CLCA1: variants seen among roughly 807,000 people sequenced by gnomAD.
The protein encoded by CLCA1 is chloride channel accessory 1, also known as calcium-activated chloride channel regulator 1.
In CLCA1, 59 loss-of-function variants were observed where a neutral mutation model predicts 85.6. That is an observed-to-expected ratio of 0.69 (90% CI 0.56 to 0.86). The LOEUF (loss-of-function observed/expected upper bound fraction) is 0.86. Ranked by LOEUF, CLCA1 falls within the 40% of genes least tolerant of loss-of-function variation. The pLI is 0.00. For missense variants in CLCA1, 1,022 were observed against 1,101.4 expected (o/e 0.93, Z 1.02); for synonymous variants, 396 against 398.3 (o/e 0.99, Z 0.07).
intron 1 of CLCA1, among the ~76,000 whole-genome samples, chr1:86,472,946 C>G (rs561729787): frequency 3.8e-4 from 58 of 152,342 alleles, no homozygotes; most frequent in African/African-American, 1.4e-3. Flanking sequence ...TACTAAGTCT[C>G]AGTTTCACCC....
At chr1:86,469,774 A>AG (rs1006188125) in intron 1 of CLCA1, among the ~76,000 whole-genome samples, 3 of 152,162 alleles carry the variant, frequency 2.0e-5, no homozygotes, top group Non-Finnish European at 2.9e-5. Flanking sequence ...TAAAACTAAG[A>AG]GGGAAATGCT....
intron 5 of CLCA1, among the ~76,000 whole-genome samples, chr1:86,483,014 A>T (rs1382347963): frequency 6.6e-6 from 1 of 152,202 alleles, no homozygotes; most frequent in Non-Finnish European, 1.5e-5. Flanking sequence ...CTTCAGTGGG[A>T]AGTCTCTCTT....
At chr1:86,473,682 C>T in intron 2 of CLCA1, 47 bp from the exon 3 acceptor site, 1 of 1,528,740 alleles carries the variant, frequency 6.5e-7, no homozygotes, top group Non-Finnish European at 8.9e-7. Flanking sequence ...ATGGTTAATT[C>T]ATTTGCTGAA....
intron 1 of CLCA1, among the ~76,000 whole-genome samples, chr1:86,473,080 T>G (rs1330635113): frequency 6.6e-6 from 1 of 152,218 alleles, no homozygotes. Context: ...CACCACAACC[T>G]TATCAGCCAG....
chr1:86,494,450 TA>T lies in CLCA1; in HGVS notation c.1942+4del. Reference sequence around the variant, plus strand: ...TGGAACTACTGGATAATGGAGCAGGTAATCACCCAAGAAATTGGAAGATATT... The same window carrying T: ...TGGAACTACTGGATAATGGAGCAGGTATCACCCAAGAAATTGGAAGATATT... On this transcript the variant is annotated splice_donor_region_variant and intron_variant, in intron 11 of 13. Coordinates refer to ENST00000394711, the MANE Select transcript of CLCA1 (RefSeq NM_001285.4). The T allele has an allele frequency of 6.2e-7, 1 of 1,612,930 alleles. No homozygotes were observed. Among genetic ancestry groups the T allele is most frequent in the Non-Finnish European group, 8.5e-7 (1 of 1,179,074 alleles).
chr1:86,489,652 C>T (rs1181654325), intron 8 of CLCA1, among the ~76,000 whole-genome samples: 1 of 152,178 alleles, frequency 6.6e-6, no homozygotes, highest in African/African-American at 2.4e-5. Context: ...GGCAAAAGAT[C>T]ACTCCCAAAA....
chr1:86,484,675 T>G (rs1288655378), intron 5 of CLCA1, among the ~76,000 whole-genome samples: 1 of 152,138 alleles, frequency 6.6e-6, no homozygotes, highest in Non-Finnish European at 1.5e-5. Context: ...GTGATGGATA[T>G]TTCATTGGAG....
At chr1:86,474,748 C>T (rs982456263) in intron 3 of CLCA1, among the ~76,000 whole-genome samples, 1 of 152,008 alleles carries the variant, frequency 6.6e-6, no homozygotes, top group African/African-American at 2.4e-5. Context: ...GATAAATAAA[C>T]TTTATCATTT....
intron 9 of CLCA1, 61 bp downstream of exon 9, chr1:86,491,432 T>C: frequency 8.7e-7 from 1 of 1,154,522 alleles, no homozygotes; most frequent in Admixed American, 2.0e-5. Flanking sequence ...AGATGGAGAA[T>C]TTAATGGCTA....
chr1:86,491,200 C>A, intron 8 of CLCA1, 65 bp from the exon 9 acceptor site: 2 of 1,156,792 alleles, frequency 1.7e-6, no homozygotes, highest in Non-Finnish European at 2.6e-6. Context: ...CTCTAAACAA[C>A]AGCTAAAATG....
At position 86,499,747 on chromosome 1, in the gene CLCA1, C is replaced by T; in HGVS notation, c.2447C>T (p.Pro816Leu). 6.2e-7 allele frequency: 1 copy of T among 1,612,688 alleles called. No individual in the cohort carries two copies. Among genetic ancestry groups the T allele is most frequent in the Admixed American group, 1.7e-5 (1 of 60,032 alleles). Residue 816 changes from proline to leucine, a missense_variant, in exon 14 of 14, where the codon CCA (proline) becomes CTA (leucine). Pro to Leu is a moderately conservative substitution (Grantham distance 98). Coordinates refer to ENST00000394711, the MANE Select transcript of CLCA1 (RefSeq NM_001285.4). ...CAAGTGAATACTACTGCTCTCATCC[C>T]AAAGGAAGCCAACTCTGAGGAAGTC... Reference protein sequence around the residue: ...SLQVNTTALIPKEANSEEVFL... With the variant: ...SLQVNTTALILKEANSEEVFL...
chr1:86,480,309 C>T (rs1647783162), intron 4 of CLCA1, among the ~76,000 whole-genome samples: 1 of 152,062 alleles, frequency 6.6e-6, no homozygotes, highest in African/African-American at 2.4e-5. Context: ...AGTATTGTAG[C>T]ACATAAAGAG....
At chr1:86,469,214 C>A in intron 1 of CLCA1, 81 bp downstream of exon 1, 1 of 886,948 alleles carries the variant, frequency 1.1e-6, no homozygotes, top group Admixed American at 2.7e-5. Context: ...CCTATTCCAG[C>A]TGCACGACAC....
chr1:86,491,034 C>T (rs758466233), intron 8 of CLCA1, among the ~76,000 whole-genome samples: 22 of 151,968 alleles, frequency 1.4e-4, no homozygotes, highest in Non-Finnish European at 2.6e-4. Flanking sequence ...AGGATCATGC[C>T]ACTGTACTCC....
Position 86,495,558 on chromosome 1 carries a change from G to T in CLCA1, c.1996G>T (p.Asp666Tyr). ...GVYSRYFTTY[D>Y]TNGRYSVKVR... is the part of the protein sequence containing the mutation. ...CTACTCAAGGTATTTCACAACTTAT[G>T]ACACGAATGGTAGATACAGTGTAAA... is the stretch of plus-strand genomic sequence containing the variant. The change falls in exon 12 of 14, where the codon GAC (aspartate) becomes TAC (tyrosine). Residue 666 changes from aspartate to tyrosine, a missense_variant. Transcript: ENST00000394711. 1 of 1,614,046 alleles carries T rather than the reference G, an allele frequency of 6.2e-7. No individual in the cohort carries two copies. Among genetic ancestry groups the T allele is most frequent in the Non-Finnish European group, 8.5e-7 (1 of 1,179,936 alleles).
chr1:86,485,227 G>T, intron 5 of CLCA1, 116 bp from the exon 6 acceptor site: 1 of 758,420 alleles, frequency 1.3e-6, no homozygotes, highest in Non-Finnish European at 2.2e-6. Context: ...CTGTTCCACA[G>T]TGATTGTGCA....
intron 5 of CLCA1, among the ~76,000 whole-genome samples, chr1:86,484,035 CG>C (rs1647891766): frequency 6.6e-6 from 1 of 152,108 alleles, no homozygotes; most frequent in Admixed American, 6.6e-5. Context: ...CATCAGATTA[CG>C]TGGGAACTCA....
intron 2 of CLCA1, 37 bp downstream of exon 2, chr1:86,473,594 C>T: frequency 6.5e-7 from 1 of 1,530,196 alleles, no homozygotes; most frequent in Non-Finnish European, 8.9e-7. Context: ...ATTCCACTTT[C>T]TCCTGTAACC....
intron 7 of CLCA1, 66 bp from the exon 8 acceptor site, chr1:86,488,930 C>T (rs988079109): frequency 2.9e-6 from 4 of 1,367,258 alleles, no homozygotes; most frequent in Non-Finnish European, 4.1e-6. Context: ...TTCCTGTAAG[C>T]AGAATTTTCA....
Sources: gnomAD v4.1 joint callset for allele counts (sites outside exome capture counted in the v4.1 genomes callset) on GRCh38, gnomAD v4.1.1 for gene constraint, MANE v1.5 for transcripts, NCBI Gene and HGNC (gene_info 2026-07-23, HGNC 2026-07-21) for gene names.